TTC6: variants seen among roughly 807,000 people sequenced by gnomAD.
TTC6 encodes tetratricopeptide repeat protein 6.
TTC6 carries 172 observed loss-of-function variants against 210.4 expected under a neutral mutation model. The ratio of observed to expected loss-of-function variants is 0.82; its 90% CI spans 0.72 to 0.93. The LOEUF (loss-of-function observed/expected upper bound fraction) is 0.93. Ranked by LOEUF, TTC6 falls within the 40% of genes least tolerant of loss-of-function variation. TTC6 has a pLI of 0.00. For synonymous variants in TTC6, 804 were observed against 819.6 expected (o/e 0.98, Z 0.32); for missense variants, 2,414 against 2,318.1 (o/e 1.04, Z -0.85).
intron 1 of TTC6, among the ~76,000 whole-genome samples, chr14:37,606,364 G>T (rs1403367824): frequency 6.6e-6 from 1 of 152,126 alleles, no homozygotes; most frequent in East Asian, 1.9e-4. Context: ...TTGACCAATG[G>T]AGGACAATGG....
chr14:37,821,625 T>C (rs1227165359), intron 26 of TTC6, among the ~76,000 whole-genome samples: 1 of 152,162 alleles, frequency 6.6e-6, no homozygotes, highest in Non-Finnish European at 1.5e-5. Context: ...AAGTATTGCA[T>C]GTACCTGTTA....
At chr14:37,634,876 A>G (rs2095677065) in intron 1 of TTC6, among the ~76,000 whole-genome samples, 1 of 152,246 alleles carries the variant, frequency 6.6e-6, no homozygotes, top group African/African-American at 2.4e-5. Context: ...CAGTGAAATA[A>G]TTTCCTAAGA....
chr14:37,634,057 G>T (rs1178521846), intron 1 of TTC6, among the ~76,000 whole-genome samples: 1 of 152,018 alleles, frequency 6.6e-6, no homozygotes, highest in Non-Finnish European at 1.5e-5. Flanking sequence ...GGTTTTAATA[G>T]AAAATCACTC....
chr14:37,796,860 G>T (rs1477730530), exon 20 of TTC6: 3 of 1,611,178 alleles, frequency 1.9e-6, no homozygotes, highest in Non-Finnish European at 2.5e-6. Context: ...AGGCCATTGA[G>T]GTCTTGGACG....
At chr14:37,604,445 T>C (rs2095621403) in intron 1 of TTC6, among the ~76,000 whole-genome samples, 1 of 152,056 alleles carries the variant, frequency 6.6e-6, no homozygotes, top group Non-Finnish European at 1.5e-5. Flanking sequence ...CAGAACACAT[T>C]GTCCCTTCCT....
intron 1 of TTC6, among the ~76,000 whole-genome samples, chr14:37,651,646 C>T (rs1481191612): frequency 1.3e-5 from 2 of 151,762 alleles, no homozygotes; most frequent in Non-Finnish European, 2.9e-5. Flanking sequence ...GGGTGCCAGG[C>T]ACTGTGGTGC....
rs537706960 is a variant in TTC6 at position 37,753,195 on chromosome 14, A to G, written c.3226A>G (p.Thr1076Ala). 12 of 1,535,456 alleles carry G rather than the reference A, an allele frequency of 7.8e-6. No individual in the cohort carries two copies. In the South Asian group the frequency reaches 1.3e-4, roughly 17 times the overall value. The change falls in exon 14 of 31, where the codon ACA becomes GCA. Residue 1076 changes from threonine (T) to alanine (A), a missense_variant. By Grantham distance (58) the Thr-to-Ala change is moderately conservative (BLOSUM62 0). Coordinates refer to ENST00000553443, the Ensembl canonical transcript of TTC6. ...CTGGTTTGCAGCCATAGAGGATTTT[A>G]CAGCCTTGTTAAATATAGATCACCA...
At chr14:37,791,389 C>T (rs2096078943) in intron 16 of TTC6, among the ~76,000 whole-genome samples, 1 of 152,100 alleles carries the variant, frequency 6.6e-6, no homozygotes, top group African/African-American at 2.4e-5. Flanking sequence ...CTGTAAATCA[C>T]AGAATTTAAT....
In TTC6 at chr14:37,712,253, C is replaced by T. The variant is rs778614488; in HGVS notation, c.1572-2402C>T. 3.3e-5 allele frequency among the ~76,000 whole-genome samples: 5 copies of T among 152,278 alleles called. No individual in the cohort carries two copies. In the South Asian group the frequency reaches 6.2e-4, roughly 19 times the overall value. On this transcript the variant is annotated intron_variant, in intron 5 of 30. Transcript: ENST00000553443. ...ATAAGTTGTAAATGACTTTTACTAT[C>T]CTGTTTCTGGCATAGAGCCAGAGAA...
intron 1 of TTC6, among the ~76,000 whole-genome samples, chr14:37,626,765 T>C (rs771457314): frequency 2.0e-5 from 3 of 152,308 alleles, no homozygotes; most frequent in East Asian, 3.9e-4. Flanking sequence ...AACAAAAGCC[T>C]GCTCTTTAGC....
At chr14:37,739,004 T>C (rs1341828809) in exon 10 of TTC6, 2 of 1,535,634 alleles carry the variant, frequency 1.3e-6, no homozygotes, top group African/African-American at 1.4e-5. Context: ...GAGAAATCTC[T>C]CTTTGACTCT....
chr14:37,676,420 CT>C (rs2095769643), intron 1 of TTC6, among the ~76,000 whole-genome samples: 1 of 151,886 alleles, frequency 6.6e-6, no homozygotes, highest in East Asian at 1.9e-4. Context: ...TTTTTTTGGT[CT>C]TTTTGTTAAC....
At chr14:37,835,464 T>G (rs1301058299) in intron 29 of TTC6, among the ~76,000 whole-genome samples, 1 of 152,168 alleles carries the variant, frequency 6.6e-6, no homozygotes, top group Non-Finnish European at 1.5e-5. Flanking sequence ...TTTGATGAAG[T>G]TAAGAGTTTG....
At chr14:37,671,673 T>G (rs2095758460) in intron 1 of TTC6, among the ~76,000 whole-genome samples, 1 of 152,132 alleles carries the variant, frequency 6.6e-6, no homozygotes, top group African/African-American at 2.4e-5. Flanking sequence ...ATAGCAAATA[T>G]GTTTCCATCC....
At chr14:37,666,086 C>G (rs2095747423) in intron 1 of TTC6, among the ~76,000 whole-genome samples, 1 of 150,480 alleles carries the variant, frequency 6.6e-6, no homozygotes, top group African/African-American at 2.4e-5. Context: ...CTGCAACTTG[C>G]AAAAGCAGTG....
chr14:37,622,330 T>A (rs1025733921), exon 1 of TTC6: 1 of 1,533,202 alleles, frequency 6.5e-7, no homozygotes, highest in Non-Finnish European at 8.7e-7. Context: ...GCGGCCGCCC[T>A]CCTGCAGGAG....
chr14:37,723,136 C>T (rs2095865028), intron 6 of TTC6, among the ~76,000 whole-genome samples: 1 of 152,070 alleles, frequency 6.6e-6, no homozygotes, highest in Non-Finnish European at 1.5e-5. Flanking sequence ...TCTTTTGACA[C>T]CCTATCATTG....
At position 37,636,181 on chromosome 14, in the gene TTC6, G is replaced by A. The variant is rs112567400; in HGVS notation, c.939+13178G>A. ...AATTGAAAATTATAGTTAAAAACGC[G>A]TAACACCCTTCTTTCAGCAATTGGT... On this transcript the variant is annotated intron_variant, in intron 1 of 30. Transcript: ENST00000553443. Among the ~76,000 whole-genome samples the A allele has an allele frequency of 2.0e-3, 306 of 152,134 alleles. 1 individual carries two copies. Among genetic ancestry groups the A allele is most frequent in the African/African-American group, 6.9e-3 (286 of 41,512 alleles).
chr14:37,831,906 G>A (rs1355028058), intron 29 of TTC6, among the ~76,000 whole-genome samples: 1 of 151,910 alleles, frequency 6.6e-6, no homozygotes, highest in Non-Finnish European at 1.5e-5. Flanking sequence ...GTTGATTATT[G>A]CCATTCCTAT....
Sources: gnomAD v4.1 joint callset for allele counts (sites outside exome capture counted in the v4.1 genomes callset) on GRCh38, gnomAD v4.1.1 for gene constraint, MANE v1.5 for transcripts, NCBI Gene and HGNC (gene_info 2026-07-23, HGNC 2026-07-21) for gene names.